Variants in MCC observed in about 807,000 individuals in gnomAD.
The protein encoded by MCC is colorectal mutant cancer protein.
In MCC, 90 loss-of-function variants were observed where a neutral mutation model predicts 116.2. The ratio of observed to expected loss-of-function variants is 0.77; its 90% CI spans 0.65 to 0.92. The LOEUF (loss-of-function observed/expected upper bound fraction) is 0.92. Ranked by LOEUF, MCC falls within the 40% of genes least tolerant of loss-of-function variation. The pLI is 0.00. For missense variants in MCC, 1,516 were observed against 1,312.2 expected, an observed-to-expected ratio of 1.16 and a Z score of -2.40; for synonymous variants, 578 against 510.5, an observed-to-expected ratio of 1.13 and a Z score of -1.78.
chr5:113,142,631 T>G (rs1759246143), intron 5 of MCC, among the ~76,000 whole-genome samples: 1 of 147,104 alleles, frequency 6.8e-6, no homozygotes, highest in Non-Finnish European at 1.6e-5. Context: ...TTTTCACCAG[T>G]AAAATGATGG....
chr5:113,073,919 A>G (rs1355274700), intron 11 of MCC, among the ~76,000 whole-genome samples: 2 of 152,166 alleles, frequency 1.3e-5, no homozygotes, highest in Non-Finnish European at 2.9e-5. Flanking sequence ...GTTCAAGGAG[A>G]CCTGCCTGCC....
rs1561466024 is a variant in MCC, at chr5:113,220,053, A to ATTTTTTTT, written c.628-68632_628-68631insAAAAAAAA. ...TGTTAACTTTGGAATCTGCATGTCA[A>ATTTTTTTT]TTTCTTTTTCTTTTTTTTTTTTGAG... On this transcript the variant is annotated intron_variant, in intron 3 of 18. Transcript: ENST00000408903. 5.4e-4 allele frequency among the ~76,000 whole-genome samples: 34 copies of ATTTTTTTT among 62,940 alleles called. 5 individuals carry two copies. Among genetic ancestry groups the ATTTTTTTT allele is most frequent in the East Asian group, 1.7e-3 (2 of 1,146 alleles). The allele number at this position is 62,940 out of a possible 152,430, so 41.3% of individuals were successfully genotyped here.
At chr5:113,104,987 T>G (rs1374168339) in intron 6 of MCC, among the ~76,000 whole-genome samples, 1 of 152,252 alleles carries the variant, frequency 6.6e-6, no homozygotes, top group Non-Finnish European at 1.5e-5. Flanking sequence ...ACTTAAAAAC[T>G]TGGGTTGCTT....
chr5:113,302,274 C>T (rs1191542317), intron 3 of MCC, among the ~76,000 whole-genome samples: 2 of 152,170 alleles, frequency 1.3e-5, no homozygotes, highest in African/African-American at 4.8e-5. Context: ...CCCTATATAA[C>T]TCTACTAGAC....
chr5:113,054,979 C>T (rs1006916086), intron 14 of MCC, among the ~76,000 whole-genome samples: 4 of 152,248 alleles, frequency 2.6e-5, no homozygotes, highest in African/African-American at 9.6e-5. Flanking sequence ...TGTGCACCGA[C>T]AGCAGTTTCT....
intron 4 of MCC, among the ~76,000 whole-genome samples, chr5:113,144,855 A>G (rs1304995990): frequency 1.3e-5 from 2 of 152,228 alleles, no homozygotes; most frequent in African/African-American, 4.8e-5. Flanking sequence ...TGACAACCTG[A>G]AACATCAAAT....
chr5:113,473,671 C>CA (rs1255332844), intron 1 of MCC, among the ~76,000 whole-genome samples: 6 of 152,034 alleles, frequency 3.9e-5, no homozygotes, highest in Admixed American at 2.6e-4. Context: ...TAGGAATTGA[C>CA]AAAAAATCCT....
At position 113,434,408 on chromosome 5, in the gene MCC, A is replaced by G; in HGVS notation, c.171-49196T>C. On this transcript the variant is annotated intron_variant, in intron 1 of 18. Coordinates refer to ENST00000408903, the MANE Select transcript of MCC (RefSeq NM_001085377.2). The surrounding 1 kb of genome is among the most constrained non-coding windows in gnomAD (Gnocchi z 4.2). Reference sequence around the variant, plus strand: ...ACAGCTTGATGTTGAAGTCCTTGTCAAGGAGAAGGTTGTCACACTTGAGGT... The same window carrying G: ...ACAGCTTGATGTTGAAGTCCTTGTCGAGGAGAAGGTTGTCACACTTGAGGT... 1 of 1,613,876 alleles carries G rather than the reference A, an allele frequency of 6.2e-7. No homozygotes were observed. Among genetic ancestry groups the G allele is most frequent in the South Asian group, 1.1e-5 (1 of 91,036 alleles).
intron 1 of MCC, among the ~76,000 whole-genome samples, chr5:113,464,542 G>A (rs1771842354): frequency 1.3e-5 from 2 of 152,008 alleles, no homozygotes; most frequent in South Asian, 4.2e-4. Flanking sequence ...TCTCACCCCT[G>A]AACTCCCTTC....
intron 3 of MCC, among the ~76,000 whole-genome samples, chr5:113,331,901 G>A (rs909056401): frequency 1.3e-5 from 2 of 151,628 alleles, no homozygotes; most frequent in African/African-American, 4.9e-5. Context: ...GCCTCCCAAA[G>A]TGTGGGATTA....
intron 3 of MCC, among the ~76,000 whole-genome samples, chr5:113,189,684 A>T (rs536265381): frequency 6.6e-6 from 1 of 152,344 alleles, no homozygotes; most frequent in East Asian, 1.9e-4. Flanking sequence ...CACTTGAGCA[A>T]GCAGGAGGCT....
At chr5:113,454,874 C>G (rs1028926596) in intron 1 of MCC, among the ~76,000 whole-genome samples, 4 of 152,146 alleles carry the variant, frequency 2.6e-5, no homozygotes, top group Non-Finnish European at 4.4e-5. Flanking sequence ...TGCATGCACA[C>G]ACAGTCATAA....
rs62374368 is a variant in MCC, at chr5:113,293,074, C to T, written c.627+47445G>A. Among the ~76,000 whole-genome samples the T allele has an allele frequency of 2.6e-3, 398 of 152,286 alleles. 3 individuals carry two copies. Among genetic ancestry groups the T allele is most frequent in the Non-Finnish European group, 4.7e-3 (317 of 68,038 alleles). ...AATGCTCTACTTCATTCAGCCAGCA[C>T]CTCAAAATGCTATTTCAAACCGGAG... is the stretch of plus-strand genomic sequence containing the variant. On this transcript the variant is annotated intron_variant, in intron 3 of 18. Coordinates refer to ENST00000408903, the MANE Select transcript of MCC (RefSeq NM_001085377.2).
chr5:113,196,896 G>C lies in MCC; in HGVS notation c.628-45474C>G, dbSNP rs76792494. Reference sequence around the variant, plus strand: ...AAGCACGTCTGCAGGTTCTGGCTGAGTTTGGGCCCTGTGATCTGGAACCTC... The same window carrying C: ...AAGCACGTCTGCAGGTTCTGGCTGACTTTGGGCCCTGTGATCTGGAACCTC... On this transcript the variant is annotated intron_variant, in intron 3 of 18. Transcript: ENST00000408903. Among the ~76,000 whole-genome samples the C allele has an allele frequency of 5.8e-3, 886 of 152,274 alleles. 5 individuals carry two copies. Among genetic ancestry groups the C allele is most frequent in the African/African-American group, 0.02 (828 of 41,552 alleles).
At chr5:113,350,568 A>G (rs1201825139) in intron 2 of MCC, among the ~76,000 whole-genome samples, 3 of 152,158 alleles carry the variant, frequency 2.0e-5, no homozygotes, top group Admixed American at 6.5e-5. Flanking sequence ...CTAAGATTTC[A>G]AACTATGAAA....
At chr5:113,226,107 C>T (rs1763725384) in intron 3 of MCC, among the ~76,000 whole-genome samples, 2 of 152,364 alleles carry the variant, frequency 1.3e-5, no homozygotes, top group South Asian at 2.1e-4. Flanking sequence ...ACCCGCAAGG[C>T]GAAGGTTGCA....
intron 17 of MCC, 101 bp from the exon 18 acceptor site, chr5:113,029,157 C>T: frequency 8.0e-7 from 1 of 1,250,402 alleles, no homozygotes; most frequent in Non-Finnish European, 1.1e-6. Flanking sequence ...GTTTAGCTTG[C>T]AAAGCCTAAA....
intron 1 of MCC, among the ~76,000 whole-genome samples, chr5:113,468,977 T>C (rs558121991): frequency 1.3e-4 from 20 of 152,342 alleles, no homozygotes; most frequent in Admixed American, 1.2e-3. Flanking sequence ...CATAGAGGTG[T>C]TTATAGTACT....
At position 113,294,446 on chromosome 5, in the gene MCC, T is replaced by A. The variant is rs956739668; in HGVS notation, c.627+46073A>T. The stretch of plus-strand genomic sequence containing the variant: ...GGTCTCGGAGCTTAAGAGTTGGACT[T>A]CACAGGCTCAATATCCACTGCTTGG... On this transcript the variant is annotated intron_variant, in intron 3 of 18. Transcript: ENST00000408903. 1.9e-6 allele frequency: 3 copies of A among 1,611,572 alleles called. No individual in the cohort carries two copies. The African/African-American group carries it at 4.0e-5, about 22-fold the overall frequency.
Sources: gnomAD v4.1 joint callset for allele counts (sites outside exome capture counted in the v4.1 genomes callset) on GRCh38, gnomAD v4.1.1 for gene constraint, Gnocchi (gnomAD v3.1) non-coding constraint, MANE v1.5 for transcripts, NCBI Gene and HGNC (gene_info 2026-07-23, HGNC 2026-07-21) for gene names.